Variants in MCUR1 observed in about 807,000 individuals in gnomAD.
MCUR1 encodes MCU regulator 1.
Under a neutral mutation model 42.0 loss-of-function variants are expected in MCUR1, and 37 were observed. The observed-to-expected ratio is 0.88, with a 90% CI of 0.68 to 1.16. The LOEUF (loss-of-function observed/expected upper bound fraction) is 1.16, where lower values mean the gene tolerates loss of function less well. MCUR1 is among the 50% of genes most tolerant of loss of function. The pLI, the probability that MCUR1 is intolerant of heterozygous loss-of-function variation, is 0.00. For synonymous variants in MCUR1, 229 were observed against 196.2 expected, an observed-to-expected ratio of 1.17 and a Z score of -1.40; for missense variants, 469 against 468.4, an observed-to-expected ratio of 1.00 and a Z score of -0.01.
At chr6:13,807,729 T>C (rs1760142237) in intron 1 of MCUR1, among the ~76,000 whole-genome samples, 1 of 152,244 alleles carries the variant, frequency 6.6e-6, no homozygotes, top group Non-Finnish European at 1.5e-5. Context: ...TATACCATTT[T>C]ACACTCCTTC....
Position 13,807,047 on chromosome 6 carries a change from A to C in MCUR1, c.416-3T>G. The C allele has an allele frequency of 6.2e-7, 1 of 1,600,818 alleles. No individual in the cohort carries two copies. Among genetic ancestry groups the C allele is most frequent in the South Asian group, 1.1e-5 (1 of 89,598 alleles). On this transcript the variant is annotated splice_region_variant and splice_polypyrimidine_tract_variant and intron_variant, in intron 1 of 8. Coordinates refer to ENST00000379170, the MANE Select transcript of MCUR1 (RefSeq NM_001031713.4). ...GGATCCAGCAGACAAGCTTAGCTCTAGGGTGGAAAGGACAGTAAGCTCAAA... is the reference window on the plus strand; with the variant it reads ...GGATCCAGCAGACAAGCTTAGCTCTCGGGTGGAAAGGACAGTAAGCTCAAA...
At chr6:13,809,868 C>T (rs1188169336) in intron 1 of MCUR1, among the ~76,000 whole-genome samples, 1 of 151,752 alleles carries the variant, frequency 6.6e-6, no homozygotes, top group Non-Finnish European at 1.5e-5. Flanking sequence ...TGCACCACTG[C>T]ACTCCAGCCT....
intron 5 of MCUR1, 54 bp from the exon 6 acceptor site, chr6:13,798,958 C>G: frequency 9.2e-7 from 1 of 1,089,418 alleles, no homozygotes; most frequent in Non-Finnish European, 1.4e-6. Context: ...GAAACCCAAA[C>G]TCTATGAGGA....
At chr6:13,795,323 CTTCA>C (rs1759832924) in intron 6 of MCUR1, among the ~76,000 whole-genome samples, 1 of 152,086 alleles carries the variant, frequency 6.6e-6, no homozygotes, top group Non-Finnish European at 1.5e-5. Flanking sequence ...AAACCTCAGT[CTTCA>C]TTAACTCAAC....
chr6:13,791,854 TTAAA>T lies in MCUR1; in HGVS notation c.1024+20_1024+23del, dbSNP rs773043103. 1 of 1,522,512 alleles carries T rather than the reference TTAAA, an allele frequency of 6.6e-7. No individual in the cohort carries two copies. The highest frequency in any genetic ancestry group is 9.1e-7 in the Non-Finnish European group (1 of 1,103,682). 94.3% of individuals were successfully genotyped at this position (1,522,512 alleles called of 1,614,324 possible). A position where few individuals can be genotyped will look rare whatever the true frequency, so the allele number is the denominator to read the frequency against. Reference sequence around the variant, plus strand: ...AAATTTATTTTCTTTTCAGGTTGATTTAAATAGATACAAAATAGCTTACCTGCTA... The same window carrying T: ...AAATTTATTTTCTTTTCAGGTTGATTTAGATACAAAATAGCTTACCTGCTA... On this transcript the variant is annotated intron_variant, in intron 8 of 8. Coordinates refer to ENST00000379170, the MANE Select transcript of MCUR1 (RefSeq NM_001031713.4).
Position 13,798,919 on chromosome 6 carries a change from A to G in MCUR1, c.784-15T>C. The G allele has an allele frequency of 6.9e-7, 1 of 1,459,472 alleles. No homozygotes were observed. Among genetic ancestry groups the G allele is most frequent in the Non-Finnish European group, 9.6e-7 (1 of 1,040,948 alleles). 90.4% of individuals were successfully genotyped at this position (1,459,472 alleles called of 1,614,324 possible). ...ATCACTTCATCCTAAAAGGAGGGCA[A>G]ACAACAAAGAAGGAAAAATCCAAAG... On this transcript the variant is annotated splice_polypyrimidine_tract_variant and intron_variant, in intron 5 of 8. Transcript: ENST00000379170.
chr6:13,793,277 A>G (rs893779312), intron 7 of MCUR1, among the ~76,000 whole-genome samples: 1 of 152,176 alleles, frequency 6.6e-6, no homozygotes, highest in Non-Finnish European at 1.5e-5. Context: ...ATATATACCC[A>G]AAAGAACTGA....
intron 1 of MCUR1, among the ~76,000 whole-genome samples, chr6:13,807,431 ACTGG>A (rs1379894717): frequency 6.6e-6 from 1 of 152,108 alleles, no homozygotes; most frequent in East Asian, 1.9e-4. Flanking sequence ...GTCTTTTGTG[ACTGG>A]CTTCTTTCAC....
At chr6:13,803,761 G>A in intron 2 of MCUR1, 1 of 985,282 alleles carries the variant, frequency 1.0e-6, no homozygotes, top group South Asian at 4.7e-5. Context: ...CTCTGACTCT[G>A]TTTTCTTTTT....
chr6:13,804,831 C>T (rs1457757217), intron 2 of MCUR1, among the ~76,000 whole-genome samples: 5 of 149,000 alleles, frequency 3.4e-5, no homozygotes, highest in African/African-American at 1.2e-4. Flanking sequence ...GTCTGAAAAC[C>T]TACTGAGTTA....
Position 13,789,424 on chromosome 6 carries a change from T to A in MCUR1, c.*1385A>T, listed in dbSNP as rs753798793. On this transcript the variant is annotated 3_prime_UTR_variant, in exon 9 of 9. Transcript: ENST00000379170. ...CAAAAAAAAAAAAAAGGTGAGAATG[T>A]GCTTTTCCAGAATAACCCCAGTTGT... is the stretch of plus-strand genomic sequence containing the variant. The A allele has an allele frequency of 1.3e-5, 2 of 151,064 alleles. No homozygotes were observed. The highest frequency in any genetic ancestry group is 2.9e-5 in the Non-Finnish European group (2 of 67,894). The allele number at this position is 151,064 out of a possible 1,614,324, so 9.4% of individuals were successfully genotyped here.
Position 13,792,931 on chromosome 6 carries a change from C to T in MCUR1, c.910-939G>A, listed in dbSNP as rs534080315. On this transcript the variant is annotated intron_variant, in intron 7 of 8. Transcript: ENST00000379170. The stretch of plus-strand genomic sequence containing the variant: ...AAAAATAGAATAAGACTTCTCCATT[C>T]CTCACTATTCTTCAATTACTGAGAT... 2.8e-4 allele frequency among the ~76,000 whole-genome samples: 43 copies of T among 151,922 alleles called. No homozygotes were observed. In the South Asian group the frequency reaches 4.4e-3, roughly 15 times the overall value.
At chr6:13,800,694 TAG>T (rs1270809816) in intron 4 of MCUR1, among the ~76,000 whole-genome samples, 2 of 152,188 alleles carry the variant, frequency 1.3e-5, no homozygotes, top group South Asian at 4.1e-4. Context: ...AAGAACAACC[TAG>T]AGAGTCTGAA....
chr6:13,790,612 C>T lies in MCUR1; in HGVS notation c.*197G>A, dbSNP rs985677512. ...GACTACAGGCGCCCGCCACCACGCC[C>T]GCCTAATGTTTTAATTTTTTAGTAG... On this transcript the variant is annotated 3_prime_UTR_variant, in exon 9 of 9. Transcript: ENST00000379170. 4.7e-4 allele frequency: 171 copies of T among 366,938 alleles called. 1 individual carries two copies. The highest frequency in any genetic ancestry group is 1.0e-3 in the South Asian group (40 of 38,478). 22.7% of individuals were successfully genotyped at this position (366,938 alleles called of 1,614,324 possible).
chr6:13,803,568 G>T (rs896983281), intron 2 of MCUR1, among the ~76,000 whole-genome samples: 1 of 152,120 alleles, frequency 6.6e-6, no homozygotes, highest in Non-Finnish European at 1.5e-5. Context: ...GTGTGGCTGA[G>T]ATGAAGCATG....
intron 5 of MCUR1, 146 bp from the exon 6 acceptor site, chr6:13,799,050 G>A: frequency 1.7e-6 from 1 of 590,592 alleles, no homozygotes; most frequent in Non-Finnish European, 3.0e-6. Flanking sequence ...GGCTTCCAGA[G>A]AAATGGACCT....
At chr6:13,793,832 A>G in intron 7 of MCUR1, 62 bp downstream of exon 7, 1 of 1,405,330 alleles carries the variant, frequency 7.1e-7, no homozygotes, top group Non-Finnish European at 1.0e-6. Flanking sequence ...ACAAACAACC[A>G]TGCATGGAAC....
At chr6:13,810,354 G>A (rs1561737091) in intron 1 of MCUR1, among the ~76,000 whole-genome samples, 1 of 151,972 alleles carries the variant, frequency 6.6e-6, no homozygotes, top group African/African-American at 2.4e-5. Context: ...AAAAAAAGAT[G>A]AACAATCAAA....
chr6:13,814,518 G>T lies in MCUR1; in HGVS notation c.-89C>A. 7.6e-7 allele frequency: 1 copy of T among 1,315,838 alleles called. No homozygotes were observed. Among genetic ancestry groups the T allele is most frequent in the African/African-American group, 1.5e-5 (1 of 64,598 alleles). The allele number at this position is 1,315,838 out of a possible 1,614,324, so 81.5% of individuals were successfully genotyped here. On this transcript the variant is annotated 5_prime_UTR_variant, in exon 1 of 9. Coordinates refer to ENST00000379170, the MANE Select transcript of MCUR1 (RefSeq NM_001031713.4). The stretch of plus-strand genomic sequence containing the variant: ...CGGTCCAGGCCCAGAGTCCGACAGC[G>T]GGAGCGAGCGTGGGCCACAGCGCAG...
Sources: gnomAD v4.1 joint callset for allele counts (sites outside exome capture counted in the v4.1 genomes callset) on GRCh38, gnomAD v4.1.1 for gene constraint, MANE v1.5 for transcripts, NCBI Gene and HGNC (gene_info 2026-07-23, HGNC 2026-07-21) for gene names.